The following AHCY variants were observed in gnomAD, a reference collection of about 807,000 sequenced individuals.
AHCY encodes adenosylhomocysteinase, also known as S-adenosyl-L-homocysteine hydrolase.
AHCY carries 24 observed loss-of-function variants against 45.4 expected under a neutral mutation model. The observed-to-expected ratio is 0.53, with a 90% CI of 0.38 to 0.74. The LOEUF is 0.74. Ranked by LOEUF, AHCY falls within the 30% of genes least tolerant of loss-of-function variation. AHCY has a pLI of 0.00. For synonymous variants in AHCY, 245 were observed against 235.1 expected, an observed-to-expected ratio of 1.04 and a Z score of -0.39; for missense variants, 449 against 594.1, an observed-to-expected ratio of 0.76 and a Z score of 2.54.
At chr20:34,265,332 G>C in the AHCY span, among the ~76,000 whole-genome samples, 5 of 151,932 alleles carry the variant, frequency 3.3e-5, no homozygotes, top group Non-Finnish European at 7.4e-5. Context: ...AGACCAGCCT[G>C]AGCAACATGA....
the AHCY span, among the ~76,000 whole-genome samples, chr20:34,266,026 A>C: frequency 6.6e-6 from 1 of 151,978 alleles, no homozygotes; most frequent in South Asian, 2.1e-4. Context: ...TTGCCTACCA[A>C]AGGCTCTAAA....
At chr20:34,249,850 C>CT in the AHCY span, 1 of 152,344 alleles carries the variant, frequency 6.6e-6, no homozygotes, top group East Asian at 1.9e-4. Context: ...TATGGACCCT[C>CT]TCCCCTGAAA....
the AHCY span, among the ~76,000 whole-genome samples, chr20:34,235,844 G>GAAAGAAAGAAA: frequency 3.8e-3 from 98 of 25,960 alleles, no homozygotes; most frequent in East Asian, 7.4e-3. Context: ...AAAGAAAGAA[G>GAAAGAAAGAAA]GAAGGAAGGA....
the AHCY span, among the ~76,000 whole-genome samples, chr20:34,244,612 T>G: frequency 6.6e-6 from 1 of 152,236 alleles, no homozygotes; most frequent in Non-Finnish European, 1.5e-5. Flanking sequence ...ACATTTGCAA[T>G]TTTTCATTAT....
intron 8 of AHCY, among the ~76,000 whole-genome samples, chr20:34,287,567 T>C (rs2036229913): frequency 6.6e-6 from 1 of 151,878 alleles, no homozygotes; most frequent in African/African-American, 2.4e-5. Context: ...ATTTTTTGTA[T>C]TTTTAGTAGA....
intron 1 of AHCY, chr20:34,302,947 C>T (rs1038139841): frequency 1.0e-6 from 1 of 985,350 alleles, no homozygotes; most frequent in Non-Finnish European, 1.2e-6. Flanking sequence ...CCGTCCCAGG[C>T]CGTGGCCAGG....
chr20:34,269,027 A>AC, the AHCY span: 3 of 1,606,680 alleles, frequency 1.9e-6, no homozygotes, highest in Non-Finnish European at 1.7e-6. Context: ...GCGGCCCCGG[A>AC]CCCCCCTATC....
the AHCY span, among the ~76,000 whole-genome samples, chr20:34,264,396 A>AT: frequency 1.3e-5 from 2 of 152,216 alleles, no homozygotes; most frequent in African/African-American, 4.8e-5. Context: ...TCACCAGGAA[A>AT]TCACATATTG....
At chr20:34,298,073 A>G (rs2036629658) in intron 1 of AHCY, among the ~76,000 whole-genome samples, 1 of 152,158 alleles carries the variant, frequency 6.6e-6, no homozygotes, top group Admixed American at 6.5e-5. Context: ...TGGGAGGCAG[A>G]GGCTGCAATG....
intron 1 of AHCY, among the ~76,000 whole-genome samples, chr20:34,295,905 A>C (rs183246451): frequency 6.8e-4 from 104 of 152,110 alleles, no homozygotes; most frequent in African/African-American, 2.4e-3. Context: ...CTTTCTGCTG[A>C]CACCTACCAA....
At chr20:34,258,688 T>TATATATATATATATATAC in the AHCY span, among the ~76,000 whole-genome samples, 7 of 66,564 alleles carry the variant, frequency 1.1e-4, no homozygotes, top group East Asian at 1.1e-3. Context: ...TATATATATA[T>TATATATATATATATATAC]ATACATACTA....
the AHCY span, among the ~76,000 whole-genome samples, chr20:34,265,975 A>G: frequency 6.6e-6 from 1 of 152,050 alleles, no homozygotes; most frequent in Non-Finnish European, 1.5e-5. Flanking sequence ...GAGGGGGGGA[A>G]GTTAAAACAT....
upstream of AHCY, among the ~76,000 whole-genome samples, chr20:34,306,427 G>A (rs1184140837): frequency 1.3e-5 from 2 of 151,146 alleles, no homozygotes; most frequent in African/African-American, 2.4e-5. Context: ...GAGTGCAATG[G>A]TGTGATCTCG....
upstream of AHCY, among the ~76,000 whole-genome samples, chr20:34,305,563 G>T (rs544062493): frequency 6.6e-6 from 1 of 152,220 alleles, no homozygotes; most frequent in Admixed American, 6.5e-5. Flanking sequence ...CTAACTAAAC[G>T]TAGGATCATG....
chr20:34,302,946 G>C (rs561535156), intron 1 of AHCY: 1 of 985,444 alleles, frequency 1.0e-6, no homozygotes, highest in African/African-American at 1.7e-5. Context: ...GCCGTCCCAG[G>C]CCGTGGCCAG....
chr20:34,288,024 G>A (rs1448910397), intron 8 of AHCY, among the ~76,000 whole-genome samples: 1 of 152,240 alleles, frequency 6.6e-6, no homozygotes, highest in African/African-American at 2.4e-5. Flanking sequence ...ACAGATGGCT[G>A]TCAGGGGTGT....
the AHCY span, chr20:34,262,856 T>A: frequency 3.1e-6 from 5 of 1,613,948 alleles, no homozygotes; most frequent in East Asian, 2.2e-5. Context: ...TCCAAACAGA[T>A]CGGCAGAAAA....
chr20:34,301,566 A>T (rs749494955), intron 1 of AHCY, among the ~76,000 whole-genome samples: 1 of 152,184 alleles, frequency 6.6e-6, no homozygotes, highest in Non-Finnish European at 1.5e-5. Flanking sequence ...AGTAAAGATA[A>T]TGCCATATGA....
the AHCY span, among the ~76,000 whole-genome samples, chr20:34,258,685 A>ATATATATATATATATATATATATG: frequency 1.9e-4 from 14 of 74,468 alleles, 1 homozygote; most frequent in African/African-American, 1.1e-3. Flanking sequence ...ATATATATAT[A>ATATATATATATATATATATATATG]TATATACATA....
Sources: gnomAD v4.1 joint callset for allele counts (sites outside exome capture counted in the v4.1 genomes callset) on GRCh38, gnomAD v4.1.1 for gene constraint, MANE v1.5 for transcripts, NCBI Gene and HGNC (gene_info 2026-07-23, HGNC 2026-07-21) for gene names.